The following RBFOX1 variants were observed in gnomAD, a reference collection of about 807,000 sequenced individuals.
RBFOX1 encodes the protein RNA binding protein fox-1 homolog 1.
Under a neutral mutation model 57.7 loss-of-function variants are expected in RBFOX1, and 8 were observed. That is an observed-to-expected ratio of 0.14 (90% CI 0.08 to 0.25). The LOEUF (loss-of-function observed/expected upper bound fraction) is 0.25. Among genes scored for constraint, RBFOX1 ranks in the 10% least tolerant of loss-of-function variants. RBFOX1 has a pLI of 1.00. For missense variants in RBFOX1, 611 were observed against 548.5 expected, an observed-to-expected ratio of 1.11 and a Z score of -1.14; for synonymous variants, 326 against 222.4, an observed-to-expected ratio of 1.47 and a Z score of -4.15.
At chr16:7,128,598 C>T (rs2069265712) in intron 4 of RBFOX1, among the ~76,000 whole-genome samples, 1 of 152,092 alleles carries the variant, frequency 6.6e-6, no homozygotes, top group African/African-American at 2.4e-5. Context: ...GTACTCAAAG[C>T]CTGGAGAGGC....
chr16:5,314,552 G>T (rs751133286), intron 1 of RBFOX1, among the ~76,000 whole-genome samples: 1 of 152,058 alleles, frequency 6.6e-6, no homozygotes, highest in African/African-American at 2.4e-5. Context: ...CCAGGCTGGC[G>T]TGCAGTGGTG....
chr16:6,736,483 T>G (rs902635718), intron 3 of RBFOX1, among the ~76,000 whole-genome samples: 5 of 152,192 alleles, frequency 3.3e-5, no homozygotes, highest in African/African-American at 1.2e-4. Flanking sequence ...CAAATGCTGT[T>G]AATTCATTCG....
At chr16:7,575,402 G>C (rs959651754) in intron 5 of RBFOX1, among the ~76,000 whole-genome samples, 3 of 152,012 alleles carry the variant, frequency 2.0e-5, no homozygotes, top group African/African-American at 7.3e-5. Flanking sequence ...CAAAGTGCTG[G>C]GATTATAGGT....
chr16:7,193,923 T>G (rs1296130051), intron 4 of RBFOX1, among the ~76,000 whole-genome samples: 1 of 152,122 alleles, frequency 6.6e-6, no homozygotes, highest in Admixed American at 6.5e-5. Context: ...TAGTAGCAGT[T>G]GAAAATATAG....
chr16:7,427,162 G>A (rs78433722), intron 4 of RBFOX1, among the ~76,000 whole-genome samples: 1 of 152,172 alleles, frequency 6.6e-6, no homozygotes, highest in South Asian at 2.1e-4. Context: ...AATACCTAAT[G>A]TAAATGACGA....
rs17721074 is a variant in RBFOX1 at position 6,624,698 on chromosome 16, C to T, written c.-63-29905C>T. On this transcript the variant is annotated intron_variant, in intron 2 of 15. Transcript: ENST00000550418. ...CTTGAGGTCACCAGAAACTCCTAGA[C>T]GTCGTTGTAAAACAAAGAAAGAAGA... Among the ~76,000 whole-genome samples the T allele has an allele frequency of 1.1e-4, 16 of 152,024 alleles. No homozygotes were observed. The East Asian group carries it at 2.7e-3, about 26-fold the overall frequency.
intron 3 of RBFOX1, among the ~76,000 whole-genome samples, chr16:5,841,515 C>T (rs1033544144): frequency 2.0e-5 from 3 of 152,134 alleles, no homozygotes; most frequent in African/African-American, 7.2e-5. Flanking sequence ...TACAGGGTGC[C>T]CAGTAACTTT....
intron 4 of RBFOX1, among the ~76,000 whole-genome samples, chr16:7,239,111 A>G (rs12709193): frequency 0.67 from 101,477 of 152,148 alleles, 36,040 homozygotes; most frequent in African/African-American, 0.92. Context: ...ATACACATGC[A>G]TGTCTTTTTA....
At chr16:5,383,195 G>A (rs927748353) in intron 1 of RBFOX1, among the ~76,000 whole-genome samples, 13 of 152,290 alleles carry the variant, frequency 8.5e-5, no homozygotes, top group African/African-American at 2.9e-4. Flanking sequence ...TCACTTACTG[G>A]TGGGGAAACA....
intron 3 of RBFOX1, among the ~76,000 whole-genome samples, chr16:7,015,610 G>T (rs879387707): frequency 6.6e-6 from 1 of 152,164 alleles, no homozygotes; most frequent in Admixed American, 6.5e-5. Flanking sequence ...GAGCCTATTA[G>T]ACACCATTTG....
chr16:5,894,851 C>A (rs1447499015), intron 4 of RBFOX1, among the ~76,000 whole-genome samples: 2 of 151,730 alleles, frequency 1.3e-5, no homozygotes, highest in East Asian at 4.0e-4. Flanking sequence ...GAAACCCCGT[C>A]TCTACTAAAA....
intron 3 of RBFOX1, among the ~76,000 whole-genome samples, chr16:6,702,917 C>G (rs575004562): frequency 5.3e-5 from 8 of 152,302 alleles, no homozygotes; most frequent in Admixed American, 4.6e-4. Context: ...GAGACATTAA[C>G]TCCCCATTCT....
chr16:6,753,526 G>C (rs73545633), intron 3 of RBFOX1, among the ~76,000 whole-genome samples: 13,466 of 152,082 alleles, frequency 0.089, 752 homozygotes, highest in East Asian at 0.17. Context: ...CTCTCTGCCT[G>C]TTTTCTTCTT....
At chr16:6,587,548 C>A (rs1176906076) in intron 2 of RBFOX1, among the ~76,000 whole-genome samples, 1 of 152,142 alleles carries the variant, frequency 6.6e-6, no homozygotes, top group Non-Finnish European at 1.5e-5. Context: ...TCTGAAATTG[C>A]TGGGATTACA....
At chr16:7,403,721 T>G (rs2098283670) in intron 4 of RBFOX1, among the ~76,000 whole-genome samples, 1 of 151,912 alleles carries the variant, frequency 6.6e-6, no homozygotes, top group African/African-American at 2.4e-5. Context: ...GAATTTTGTA[T>G]TTTTAGTAGA....
chr16:5,387,727 C>G (rs78746767), intron 1 of RBFOX1, among the ~76,000 whole-genome samples: 14,976 of 152,206 alleles, frequency 0.098, 829 homozygotes, highest in South Asian at 0.15. Flanking sequence ...TATTCACATC[C>G]TAATCTCTGC....
At chr16:6,833,194 C>G (rs1042893534) in intron 3 of RBFOX1, among the ~76,000 whole-genome samples, 8 of 151,008 alleles carry the variant, frequency 5.3e-5, no homozygotes, top group African/African-American at 1.9e-4. Flanking sequence ...GAGACGGGGT[C>G]TTTTTCTGTC....
At chr16:7,210,219 G>A (rs931818558) in intron 4 of RBFOX1, among the ~76,000 whole-genome samples, 1 of 152,180 alleles carries the variant, frequency 6.6e-6, no homozygotes, top group Non-Finnish European at 1.5e-5. Context: ...TACTTCTATA[G>A]GTTAAGAGAT....
intron 1 of RBFOX1, among the ~76,000 whole-genome samples, chr16:6,238,651 C>G (rs2097523997): frequency 6.6e-6 from 1 of 152,158 alleles, no homozygotes; most frequent in South Asian, 2.1e-4. Context: ...CACTCCACAC[C>G]AAACAAATGA....
Sources: gnomAD v4.1 joint callset for allele counts (sites outside exome capture counted in the v4.1 genomes callset) on GRCh38, gnomAD v4.1.1 for gene constraint, MANE v1.5 for transcripts, NCBI Gene and HGNC (gene_info 2026-07-23, HGNC 2026-07-21) for gene names.